The following ADCY5 variants were observed in gnomAD, a reference collection of about 807,000 sequenced individuals.
The protein encoded by ADCY5 is adenylate cyclase 5, also known as adenylate cyclase type 5.
Under a neutral mutation model 119.7 loss-of-function variants are expected in ADCY5, and 30 were observed. That is an observed-to-expected ratio of 0.25 (90% confidence interval 0.19 to 0.34). The LOEUF (loss-of-function observed/expected upper bound fraction) is 0.34, where lower values mean the gene tolerates loss of function less well. Ranked by LOEUF, ADCY5 falls within the 10% of genes least tolerant of loss-of-function variation. The pLI is 1.00. For missense variants in ADCY5, 1,324 were observed against 1,775.2 expected (o/e 0.75, Z 4.57); for synonymous variants, 753 against 762.2 (o/e 0.99, Z 0.20).
At chr3:123,333,665 C>T (rs1233219418) in intron 3 of ADCY5, among the ~76,000 whole-genome samples, 2 of 152,244 alleles carry the variant, frequency 1.3e-5, no homozygotes, top group Non-Finnish European at 2.9e-5. Flanking sequence ...GGGGGCCAGG[C>T]CCCAACTCCC....
At chr3:123,416,488 C>A (rs1945188463) in intron 1 of ADCY5, 2 of 677,370 alleles carry the variant, frequency 3.0e-6, no homozygotes, top group East Asian at 2.8e-5. Context: ...GGACGCAGAA[C>A]AAGTCTCTCA....
Position 123,311,184 on chromosome 3 carries a change from C to T in ADCY5, c.2442+3051G>A, listed in dbSNP as rs368333819. Among the ~76,000 whole-genome samples, 5 of 152,208 alleles carry T rather than the reference C, an allele frequency of 3.3e-5. No individual in the cohort carries two copies. In the East Asian group the frequency reaches 7.7e-4, roughly 23 times the overall value. On this transcript the variant is annotated intron_variant, in intron 12 of 20. Transcript: ENST00000462833. ...CGCATCTCATTGCAAAGCCACTCTC[C>T]GTGACTTCTGAGAGACTGGGAAAAT...
At chr3:123,350,982 G>A (rs1027936206) in intron 2 of ADCY5, among the ~76,000 whole-genome samples, 1 of 152,092 alleles carries the variant, frequency 6.6e-6, no homozygotes, top group Non-Finnish European at 1.5e-5. Context: ...TGCCAGAGGC[G>A]AGGTACATGT....
intron 1 of ADCY5, among the ~76,000 whole-genome samples, chr3:123,398,453 G>A (rs1042801339): frequency 2.0e-5 from 3 of 151,988 alleles, no homozygotes; most frequent in African/African-American, 7.3e-5. Flanking sequence ...TCTGAATAAT[G>A]TCTGACCATT....
chr3:123,296,252 T>C (rs926921515), intron 16 of ADCY5, 36 bp from the exon 17 acceptor site: 17 of 1,603,038 alleles, frequency 1.1e-5, no homozygotes, highest in Non-Finnish European at 1.4e-5. Flanking sequence ...GAGACGGCCG[T>C]GGCTCCTCAC....
intron 15 of ADCY5, 91 bp from the exon 16 acceptor site, chr3:123,297,473 G>T: frequency 7.2e-7 from 1 of 1,387,292 alleles, no homozygotes; most frequent in Non-Finnish European, 1.0e-6. Context: ...CTGCTCTGCT[G>T]TCCCCACCAC....
At chr3:123,308,298 A>G (rs1467227720) in intron 12 of ADCY5, among the ~76,000 whole-genome samples, 2 of 150,988 alleles carry the variant, frequency 1.3e-5, no homozygotes, top group Non-Finnish European at 3.0e-5. Context: ...CAGCCTCCCA[A>G]AGTGCTGGGA....
intron 3 of ADCY5, among the ~76,000 whole-genome samples, chr3:123,339,096 C>G (rs568141596): frequency 1.3e-5 from 2 of 152,298 alleles, no homozygotes; most frequent in African/African-American, 4.8e-5. Flanking sequence ...GCCCAACTCC[C>G]AGGAAGTTGG....
chr3:123,299,718 T>C (rs1209350710), intron 15 of ADCY5, among the ~76,000 whole-genome samples: 1 of 152,216 alleles, frequency 6.6e-6, no homozygotes, highest in Non-Finnish European at 1.5e-5. Context: ...GAACAGCGGA[T>C]ATCCAGGCAC....
At chr3:123,426,300 T>G (rs1417227530) in intron 1 of ADCY5, among the ~76,000 whole-genome samples, 1 of 6,596 alleles carries the variant, frequency 1.5e-4, no homozygotes, top group African/African-American at 2.3e-4. Flanking sequence ...TTCTTTTGTG[T>G]TTTTTTTTTG....
rs772191834 is a variant in ADCY5 at position 123,430,419 on chromosome 3, C to G, written c.1134+16993G>C. 1.5e-3 allele frequency among the ~76,000 whole-genome samples: 224 copies of G among 152,224 alleles called. 3 individuals are homozygous for G. Among genetic ancestry groups the G allele is most frequent in the Non-Finnish European group, 2.7e-3 (185 of 68,014 alleles). On this transcript the variant is annotated intron_variant, in intron 1 of 20. Coordinates refer to ENST00000462833, the MANE Select transcript of ADCY5 (RefSeq NM_183357.3). ...AGCAGAGGCTGACACCACTTCAGGCCCAGCAGGAGTTCCCCACAGCACTGT... is the reference window on the plus strand; with the variant it reads ...AGCAGAGGCTGACACCACTTCAGGCGCAGCAGGAGTTCCCCACAGCACTGT...
Position 123,352,342 on chromosome 3 carries a change from A to G in ADCY5, c.1284+90T>C. The G allele has an allele frequency of 6.9e-7, 1 of 1,455,006 alleles. No individual in the cohort carries two copies. The highest frequency in any genetic ancestry group is 9.1e-7 in the Non-Finnish European group (1 of 1,094,360). The allele number at this position is 1,455,006 out of a possible 1,614,324, so 90.1% of individuals were successfully genotyped here. A position where few individuals can be genotyped will look rare whatever the true frequency, so the allele number is the denominator to read the frequency against. On this transcript the variant is annotated intron_variant, in intron 2 of 20. Coordinates refer to ENST00000462833, the MANE Select transcript of ADCY5 (RefSeq NM_183357.3). This position sits in a 1 kb window ranked among gnomAD's most constrained non-coding sequence, Gnocchi z 4.8. ...GGGAGTGGGGCTGGCAGCCGTAATA[A>G]GCACTGCCCGCCCTAGGCCAGGCAC...
In ADCY5 at chr3:123,447,668, A is replaced by C. The variant is rs770523754; in HGVS notation, c.878T>G (p.Phe293Cys). Reference sequence around the variant, plus strand: ...GGCCAGGCCCATGTGGTCCTGGTGGAAGGCGGCGCGGTTGCAAAGCACAGC... The same window carrying C: ...GGCCAGGCCCATGTGGTCCTGGTGGCAGGCGGCGCGGTTGCAAAGCACAGC... ...IMAVLCNRAA[F>C]HQDHMGLACY... is the part of the protein sequence containing the mutation. Residue 293 changes from phenylalanine to cysteine, a missense_variant, in exon 1 of 21, where the codon TTC (phenylalanine) becomes TGC (cysteine). Physicochemically the swap from Phe to Cys is radical, Grantham distance 205. This residue lies in a region of ADCY5 where 585 missense variants were observed against 569.9 expected (regional missense o/e 1.03). Coordinates refer to ENST00000462833, the MANE Select transcript of ADCY5 (RefSeq NM_183357.3). 2 of 1,606,418 alleles carry C rather than the reference A, an allele frequency of 1.2e-6. No homozygotes were observed. The highest frequency in any genetic ancestry group is 3.4e-5 in the Admixed American group (2 of 59,572).
At chr3:123,331,288 T>C (rs1175220325) in intron 4 of ADCY5, among the ~76,000 whole-genome samples, 1 of 152,098 alleles carries the variant, frequency 6.6e-6, no homozygotes, top group Non-Finnish European at 1.5e-5. Flanking sequence ...AAAGATCCAC[T>C]CCAGAGCCCC....
intron 14 of ADCY5, among the ~76,000 whole-genome samples, chr3:123,302,036 G>A (rs984639405): frequency 6.6e-6 from 1 of 152,228 alleles, no homozygotes; most frequent in Non-Finnish European, 1.5e-5. Context: ...GGCTGGGTGG[G>A]GGGCCCACAC....
intron 12 of ADCY5, among the ~76,000 whole-genome samples, chr3:123,304,986 GCCC>G (rs1433825726): frequency 1.3e-5 from 2 of 152,062 alleles, no homozygotes; most frequent in Admixed American, 1.3e-4. Flanking sequence ...ACCCCTACCT[GCCC>G]CCAACACTTC....
At chr3:123,336,462 G>A (rs549439196) in intron 3 of ADCY5, among the ~76,000 whole-genome samples, 2 of 152,374 alleles carry the variant, frequency 1.3e-5, no homozygotes, top group African/African-American at 4.8e-5. Flanking sequence ...AGCACGACCA[G>A]TGGCTGGTCC....
At chr3:123,379,346 C>T (rs1317689940) in intron 1 of ADCY5, among the ~76,000 whole-genome samples, 2 of 151,902 alleles carry the variant, frequency 1.3e-5, no homozygotes, top group African/African-American at 2.4e-5. Context: ...TAGAGGACCC[C>T]GGAGTGGGGT....
intron 1 of ADCY5, among the ~76,000 whole-genome samples, chr3:123,353,653 C>T (rs570993798): frequency 8.5e-5 from 13 of 152,302 alleles, no homozygotes; most frequent in Non-Finnish European, 1.5e-5. Context: ...CTGTGTTAGT[C>T]CCAAGTCCTG....
Sources: allele counts gnomAD v4.1 joint callset (sites outside exome capture counted in the v4.1 genomes callset), GRCh38; gene constraint gnomAD v4.1.1; regional missense constraint gnomAD v4.1.1; non-coding constraint Gnocchi (gnomAD v3.1); transcripts MANE v1.5; gene names NCBI Gene and HGNC (gene_info 2026-07-23, HGNC 2026-07-21).